Variants in FAM53A observed in about 807,000 individuals in gnomAD.
FAM53A encodes the protein protein FAM53A.
A neutral mutation model predicts 26.6 loss-of-function variants in FAM53A; 28 were observed. The ratio of observed to expected loss-of-function variants is 1.05; its 90% CI spans 0.78 to 1.45. The LOEUF (loss-of-function observed/expected upper bound fraction) is 1.45, where lower values mean the gene tolerates loss of function less well. FAM53A is among the 40% of genes most tolerant of loss of function. The pLI is 0.00. For synonymous variants in FAM53A, 290 were observed against 253.1 expected (o/e 1.15, Z -1.38); for missense variants, 650 against 575.8 (o/e 1.13, Z -1.32).
intron 2 of FAM53A, among the ~76,000 whole-genome samples, chr4:1,658,899 C>T (rs1713618774): frequency 1.3e-5 from 2 of 152,362 alleles, no homozygotes; most frequent in East Asian, 1.9e-4. Context: ...CCGCAGGGTC[C>T]GGGCACAGCA....
the FAM53A span, among the ~76,000 whole-genome samples, chr4:1,605,548 C>T: frequency 6.6e-6 from 1 of 152,184 alleles, no homozygotes; most frequent in Non-Finnish European, 1.5e-5. This position sits in a 1 kb window ranked among gnomAD's most constrained non-coding sequence, Gnocchi z 5.7. Context: ...TTTTGAAAAG[C>T]GTGTTCTGCC....
At chr4:1,672,617 C>G (rs574197413) in intron 1 of FAM53A, among the ~76,000 whole-genome samples, 1 of 152,142 alleles carries the variant, frequency 6.6e-6, no homozygotes, top group African/African-American at 2.4e-5. Context: ...TCAGAGTGAT[C>G]CCCAAAAGAT....
chr4:1,676,756 TC>T (rs924047437), intron 1 of FAM53A, among the ~76,000 whole-genome samples: 4 of 152,110 alleles, frequency 2.6e-5, no homozygotes, highest in African/African-American at 9.7e-5. Context: ...ACGGTGTATC[TC>T]TTTGCCAACA....
chr4:1,621,552 G>T (rs1008019476), intron 1 of FAM53A, among the ~76,000 whole-genome samples: 1 of 152,128 alleles, frequency 6.6e-6, no homozygotes, highest in Non-Finnish European at 1.5e-5. Flanking sequence ...GGACAGTGGG[G>T]TGGATCTGCC....
chr4:1,679,513 C>G (rs1446365369), intron 1 of FAM53A, among the ~76,000 whole-genome samples: 1 of 150,502 alleles, frequency 6.6e-6, no homozygotes, highest in Non-Finnish European at 1.5e-5. Context: ...TGGTGAAACC[C>G]CATCTCTACT....
At chr4:1,652,667 A>G (rs13151956) in intron 4 of FAM53A, among the ~76,000 whole-genome samples, 4,299 of 143,536 alleles carry the variant, frequency 0.03, 183 homozygotes, top group African/African-American at 0.1. Context: ...CCACATATAC[A>G]CCACACCACA....
intron 1 of FAM53A, among the ~76,000 whole-genome samples, chr4:1,679,984 T>C (rs1223594533): frequency 6.8e-6 from 1 of 148,102 alleles, no homozygotes; most frequent in Non-Finnish European, 1.5e-5. Context: ...GATCGCACCA[T>C]TGCGCTCCAG....
At chr4:1,676,479 G>A (rs1715051841) in intron 1 of FAM53A, among the ~76,000 whole-genome samples, 1 of 152,076 alleles carries the variant, frequency 6.6e-6, no homozygotes, top group Non-Finnish European at 1.5e-5. Flanking sequence ...TGACTGTTGG[G>A]GCCGGACCTC....
chr4:1,595,314 T>G, the FAM53A span, among the ~76,000 whole-genome samples: 1 of 152,224 alleles, frequency 6.6e-6, no homozygotes, highest in Admixed American at 6.5e-5. Context: ...GCCATGGTCC[T>G]GCGTGGCCAT....
chr4:1,605,716 G>A, the FAM53A span, among the ~76,000 whole-genome samples: 1 of 152,090 alleles, frequency 6.6e-6, no homozygotes, highest in African/African-American at 2.4e-5. The surrounding 1 kb of genome is among the most constrained non-coding windows in gnomAD (Gnocchi z 5.7). Context: ...CTCAAGGGTG[G>A]GGCTGCCCAG....
chr4:1,685,650 A>C (rs1476779953), upstream of FAM53A, among the ~76,000 whole-genome samples: 1 of 151,874 alleles, frequency 6.6e-6, no homozygotes, highest in East Asian at 1.9e-4. Context: ...AGTCAGCCTC[A>C]CCTGTCTGGA....
At chr4:1,656,058 C>G (rs1272707880) in intron 3 of FAM53A, among the ~76,000 whole-genome samples, 1 of 152,188 alleles carries the variant, frequency 6.6e-6, no homozygotes, top group African/African-American at 2.4e-5. Context: ...CTCAAAATGC[C>G]CCTCTCCCTC....
the FAM53A span, among the ~76,000 whole-genome samples, chr4:1,600,480 A>AG: frequency 1.3e-5 from 2 of 152,086 alleles, no homozygotes; most frequent in African/African-American, 2.4e-5. Flanking sequence ...GGGCTGCACC[A>AG]GGAGGCCACC....
At chr4:1,580,560 CT>C in the FAM53A span, among the ~76,000 whole-genome samples, 1 of 150,464 alleles carries the variant, frequency 6.6e-6, no homozygotes. Context: ...CGGGCCCCAC[CT>C]CCCGCCCTAG....
chr4:1,668,078 G>A (rs1714367502), intron 2 of FAM53A, among the ~76,000 whole-genome samples: 1 of 152,180 alleles, frequency 6.6e-6, no homozygotes, highest in Non-Finnish European at 1.5e-5. Flanking sequence ...CCTGCGCTTG[G>A]GGCTCCAGCT....
At chr4:1,599,705 C>A in the FAM53A span, among the ~76,000 whole-genome samples, 1 of 152,072 alleles carries the variant, frequency 6.6e-6, no homozygotes, top group African/African-American at 2.4e-5. The surrounding 1 kb of genome is among the most constrained non-coding windows in gnomAD (Gnocchi z 6.1). Context: ...TCACAACACA[C>A]ACATACATAC....
the FAM53A span, among the ~76,000 whole-genome samples, chr4:1,589,704 T>C: frequency 1.3e-5 from 2 of 152,208 alleles, no homozygotes; most frequent in African/African-American, 2.4e-5. Flanking sequence ...GCTTTCTGAA[T>C]ATATTAGTGT....
intron 1 of FAM53A, among the ~76,000 whole-genome samples, chr4:1,676,997 G>C (rs1715089419): frequency 6.6e-6 from 1 of 152,140 alleles, no homozygotes; most frequent in African/African-American, 2.4e-5. Context: ...TTTGGTCAAA[G>C]ACATCAGGAC....
At chr4:1,639,848 T>C (rs1488653088), downstream of FAM53A, 1 of 152,262 alleles carries the variant, frequency 6.6e-6, no homozygotes, top group Non-Finnish European at 1.5e-5. Context: ...ATGAATTGTA[T>C]TGAGAAAAAA....
Sources: gnomAD v4.1 joint callset for allele counts (sites outside exome capture counted in the v4.1 genomes callset) on GRCh38, gnomAD v4.1.1 for gene constraint, Gnocchi (gnomAD v3.1) non-coding constraint, MANE v1.5 for transcripts, NCBI Gene and HGNC (gene_info 2026-07-23, HGNC 2026-07-21) for gene names.